The following CA4 variants were observed in gnomAD, a reference collection of about 807,000 sequenced individuals.
The protein encoded by CA4 is carbonic anhydrase 4.
Under a neutral mutation model 34.5 loss-of-function variants are expected in CA4, and 24 were observed. The ratio of observed to expected loss-of-function variants is 0.70; its 90% CI spans 0.50 to 0.98. The LOEUF is 0.98. CA4 is among the 50% of genes least tolerant of loss of function. The pLI, the probability that CA4 is intolerant of heterozygous loss-of-function variation, is 0.00. For synonymous variants in CA4, 178 were observed against 170.6 expected (o/e 1.04, Z -0.34); for missense variants, 394 against 396.7 (o/e 0.99, Z 0.06).
chr17:60,165,221 T>A (rs575961130), intron 5 of CA4, among the ~76,000 whole-genome samples: 1 of 152,206 alleles, frequency 6.6e-6, no homozygotes, highest in South Asian at 2.1e-4. Flanking sequence ...TTCTTTCCTA[T>A]CCAAGGGAGA....
intron 7 of CA4, 39 bp downstream of exon 7, chr17:60,158,485 C>G: frequency 6.2e-7 from 1 of 1,603,884 alleles, no homozygotes; most frequent in Non-Finnish European, 8.5e-7. Flanking sequence ...CTCCCACTGC[C>G]TGGCTCCCCA....
intron 1 of CA4, among the ~76,000 whole-genome samples, chr17:60,152,011 G>A (rs993531126): frequency 1.2e-4 from 18 of 152,066 alleles, no homozygotes; most frequent in African/African-American, 4.3e-4. Flanking sequence ...GGTGGGGTGA[G>A]CAAGGTCCAT....
At chr17:60,162,933 C>A (rs147884094), downstream of CA4, among the ~76,000 whole-genome samples, 12 of 152,298 alleles carry the variant, frequency 7.9e-5, no homozygotes, top group East Asian at 2.3e-3. Context: ...CTGCAGCACC[C>A]CGTCCCACCC....
In CA4 at chr17:60,157,736, A is replaced by C. The variant is rs1281296317; in HGVS notation, c.461A>C (p.Lys154Thr). ...GAGAAGGGGACATCGAGGAATGTGA[A>C]AGAGGCCCAGGACCCTGAAGACGAA... is the stretch of plus-strand genomic sequence containing the variant. ...EKEKGTSRNVKEAQDPEDEIA... is the reference protein window; with the variant it reads ...EKEKGTSRNVTEAQDPEDEIA... The change falls in exon 5 of 8, where the codon AAA becomes ACA. Residue 154 changes from lysine (K) to threonine (T), a missense_variant. Lys to Thr is a moderately conservative substitution (Grantham distance 78). Coordinates refer to ENST00000300900, the MANE Select transcript of CA4 (RefSeq NM_000717.5). 1.2e-6 allele frequency: 2 copies of C among 1,614,048 alleles called. No individual in the cohort carries two copies. Among genetic ancestry groups the C allele is most frequent in the Non-Finnish European group, 1.7e-6 (2 of 1,180,018 alleles).
At chr17:60,158,514 G>T in intron 7 of CA4, 68 bp downstream of exon 7, 1 of 1,510,952 alleles carries the variant, frequency 6.6e-7, no homozygotes, top group Non-Finnish European at 9.1e-7. Flanking sequence ...CCCTCTGTCT[G>T]CCCTCAGAGG....
rs1222138002 is a variant in CA4 at position 60,159,347 on chromosome 17, G to A, written c.862G>A (p.Gly288Ser). The change falls in exon 8 of 8, where the codon GGT (glycine) becomes AGT (serine). Residue 288 changes from glycine to serine, a missense_variant. Transcript: ENST00000300900. Reference sequence around the variant, plus strand: ...CACGGTGATAAAGTCCGGGGCCCCGGGTCGGCCGCTGCCCTGGGCCCTGCC... The same window carrying A: ...CACGGTGATAAAGTCCGGGGCCCCGAGTCGGCCGCTGCCCTGGGCCCTGCC... Reference protein sequence around the residue: ...QRTVIKSGAPGRPLPWALPAL... With the variant: ...QRTVIKSGAPSRPLPWALPAL... The A allele has an allele frequency of 2.5e-6, 4 of 1,609,862 alleles. No homozygotes were observed. The highest frequency in any genetic ancestry group is 3.4e-6 in the Non-Finnish European group (4 of 1,178,396).
At chr17:60,169,472 G>A (rs79166077) in intron 5 of CA4, among the ~76,000 whole-genome samples, 3,332 of 152,186 alleles carry the variant, frequency 0.022, 38 homozygotes, top group Non-Finnish European at 0.032. Context: ...ATCTGGGTGG[G>A]TACAGGCCCT....
chr17:60,164,388 CTTTT>C (rs1481539601), downstream of CA4, among the ~76,000 whole-genome samples: 1 of 146,374 alleles, frequency 6.8e-6, no homozygotes, highest in Non-Finnish European at 1.5e-5. Context: ...TTCTTTCTTT[CTTTT>C]TTCTTTTTCT....
At chr17:60,166,897 C>T (rs1394353695) in intron 5 of CA4, among the ~76,000 whole-genome samples, 2 of 152,154 alleles carry the variant, frequency 1.3e-5, no homozygotes, top group Non-Finnish European at 2.9e-5. Context: ...GTGGAGGTTG[C>T]AGTGAACTGA....
intron 5 of CA4, among the ~76,000 whole-genome samples, chr17:60,169,110 G>A (rs2083888798): frequency 6.6e-6 from 1 of 152,064 alleles, no homozygotes; most frequent in African/African-American, 2.4e-5. Flanking sequence ...AGCCGGGCAT[G>A]GTGGTGCATG....
chr17:60,157,806 C>T lies in CA4; in HGVS notation c.513+18C>T, dbSNP rs375432345. 3.1e-6 allele frequency: 5 copies of T among 1,601,450 alleles called. No homozygotes were observed. Among genetic ancestry groups the T allele is most frequent in the Non-Finnish European group, 4.3e-6 (5 of 1,168,542 alleles). ...TGGTGGAGGTGGGACTCCCATCCCCCACTTCCCGGGGAACCCGGGGCTGAG... is the reference window on the plus strand; with the variant it reads ...TGGTGGAGGTGGGACTCCCATCCCCTACTTCCCGGGGAACCCGGGGCTGAG... On this transcript the variant is annotated intron_variant, in intron 5 of 7. Coordinates refer to ENST00000300900, the MANE Select transcript of CA4 (RefSeq NM_000717.5).
At chr17:60,172,402 C>T (rs1209503903), downstream of CA4, among the ~76,000 whole-genome samples, 1 of 152,126 alleles carries the variant, frequency 6.6e-6, no homozygotes, top group Non-Finnish European at 1.5e-5. Flanking sequence ...GCATTTCAAG[C>T]CTAGCACCCA....
At chr17:60,160,126 C>T (rs1288997197), downstream of CA4, among the ~76,000 whole-genome samples, 3 of 152,024 alleles carry the variant, frequency 2.0e-5, no homozygotes, top group East Asian at 3.9e-4. Context: ...GGCAACAGAG[C>T]GAGAGAGAAG....
At chr17:60,164,756 C>A (rs1049561499) in intron 5 of CA4, among the ~76,000 whole-genome samples, 3 of 152,024 alleles carry the variant, frequency 2.0e-5, no homozygotes, top group African/African-American at 7.2e-5. Context: ...GAGGAAAATC[C>A]TAGTCTGGGC....
At chr17:60,162,032 G>T (rs1282733954), downstream of CA4, among the ~76,000 whole-genome samples, 1 of 151,964 alleles carries the variant, frequency 6.6e-6, no homozygotes, top group Non-Finnish European at 1.5e-5. Flanking sequence ...GAAGGTGTTC[G>T]ACCCTCCCCA....
At chr17:60,150,220 G>A in intron 1 of CA4, 128 bp downstream of exon 1, 3 of 768,426 alleles carry the variant, frequency 3.9e-6, no homozygotes, top group Admixed American at 5.4e-5. Flanking sequence ...CCCGGGTTGC[G>A]TGTGCGCCGG....
At chr17:60,163,991 C>T (rs769661231), downstream of CA4, among the ~76,000 whole-genome samples, 273 of 151,958 alleles carry the variant, frequency 1.8e-3, 1 homozygote, top group Non-Finnish European at 5.0e-4. Flanking sequence ...AGAAGCCAGA[C>T]GTGGTGGCAC....
intron 5 of CA4, among the ~76,000 whole-genome samples, chr17:60,164,938 G>A (rs2083840359): frequency 1.3e-5 from 2 of 152,166 alleles, no homozygotes; most frequent in Admixed American, 1.3e-4. Context: ...AGGTGCCCTT[G>A]GTAGTTTAAT....
At chr17:60,175,986 T>C in the CA4 span, among the ~76,000 whole-genome samples, 28 of 152,056 alleles carry the variant, frequency 1.8e-4, no homozygotes, top group East Asian at 2.5e-3. Context: ...CCGGCTAATT[T>C]TGTATTTTTA....
Sources: gnomAD v4.1 joint callset for allele counts (sites outside exome capture counted in the v4.1 genomes callset) on GRCh38, gnomAD v4.1.1 for gene constraint, MANE v1.5 for transcripts, NCBI Gene and HGNC (gene_info 2026-07-23, HGNC 2026-07-21) for gene names.